The following SPSB1 variants were observed in gnomAD, a reference collection of about 807,000 sequenced individuals.
SPSB1 encodes SPRY domain-containing SOCS box protein 1.
In SPSB1, 8 loss-of-function variants were observed where a neutral mutation model predicts 21.2. The observed-to-expected ratio is 0.38, with a 90% CI of 0.22 to 0.68. The LOEUF (loss-of-function observed/expected upper bound fraction) is 0.68, where lower values mean the gene tolerates loss of function less well. SPSB1 is among the 30% of genes least tolerant of loss of function. The pLI is 0.53. For missense variants in SPSB1, 242 were observed against 377.8 expected (o/e 0.64, Z 2.98); for synonymous variants, 169 against 161.7 (o/e 1.05, Z -0.34).
chr1:9,314,273 G>C (rs1326413447), intron 1 of SPSB1, among the ~76,000 whole-genome samples: 1 of 151,932 alleles, frequency 6.6e-6, no homozygotes, highest in African/African-American at 2.4e-5. Flanking sequence ...TGCTGGGCCG[G>C]GAGTAGATCT....
chr1:9,332,209 A>T (rs1268169356), intron 1 of SPSB1, among the ~76,000 whole-genome samples: 1 of 152,006 alleles, frequency 6.6e-6, no homozygotes, highest in Non-Finnish European at 1.5e-5. Context: ...AAAAATCTCA[A>T]TGAGAGCGTT....
At chr1:9,329,387 A>G (rs960812036) in intron 1 of SPSB1, among the ~76,000 whole-genome samples, 3 of 152,054 alleles carry the variant, frequency 2.0e-5, no homozygotes, top group Non-Finnish European at 4.4e-5. Context: ...TGGAGAGGTC[A>G]GGGGAGGTGA....
chr1:9,352,342 G>A (rs888562952), intron 1 of SPSB1, among the ~76,000 whole-genome samples: 1 of 152,128 alleles, frequency 6.6e-6, no homozygotes, highest in Non-Finnish European at 1.5e-5. Context: ...TCCGGATAAT[G>A]CCTGCTACAG....
At chr1:9,295,237 TGTGTGC>T (rs762520370) in intron 1 of SPSB1, among the ~76,000 whole-genome samples, 232 of 144,298 alleles carry the variant, frequency 1.6e-3, no homozygotes, top group Admixed American at 2.9e-3. Flanking sequence ...TGTGTGTGTG[TGTGTGC>T]GCGCGTGCGG....
At chr1:9,360,861 G>A (rs1017797636) in intron 2 of SPSB1, among the ~76,000 whole-genome samples, 5 of 152,248 alleles carry the variant, frequency 3.3e-5, no homozygotes, top group Admixed American at 3.3e-4. Context: ...CGCTTCAGAT[G>A]TGGAGGCAGC....
At chr1:9,351,160 C>T (rs1482725595) in intron 1 of SPSB1, among the ~76,000 whole-genome samples, 1 of 152,260 alleles carries the variant, frequency 6.6e-6, no homozygotes, top group African/African-American at 2.4e-5. Context: ...GAAACACATT[C>T]ATGCCCATTG....
At chr1:9,322,887 C>G (rs1639744103) in intron 1 of SPSB1, among the ~76,000 whole-genome samples, 1 of 151,626 alleles carries the variant, frequency 6.6e-6, no homozygotes, top group Non-Finnish European at 1.5e-5. Context: ...CGCCCGGACG[C>G]TCTTCTCAGC....
chr1:9,347,930 A>C (rs560002475), intron 1 of SPSB1, among the ~76,000 whole-genome samples: 1 of 144,304 alleles, frequency 6.9e-6, no homozygotes, highest in East Asian at 2.0e-4. Context: ...CCTTCTTTGC[A>C]GTTTCCCTGC....
At chr1:9,351,917 C>A (rs376879513) in intron 1 of SPSB1, among the ~76,000 whole-genome samples, 12 of 152,180 alleles carry the variant, frequency 7.9e-5, no homozygotes, top group Middle Eastern at 3.2e-3. Context: ...CTGGGGTGCC[C>A]TTGTGAAGGA....
chr1:9,298,831 G>C (rs57959755), intron 1 of SPSB1, among the ~76,000 whole-genome samples: 13 of 152,108 alleles, frequency 8.5e-5, no homozygotes, highest in African/African-American at 3.1e-4. Flanking sequence ...CTTAGCACCT[G>C]GCAGAATCCA....
chr1:9,326,771 T>G (rs984877288), intron 1 of SPSB1, among the ~76,000 whole-genome samples: 4 of 152,230 alleles, frequency 2.6e-5, no homozygotes, highest in Admixed American at 2.6e-4. Context: ...CCGCTGCTTC[T>G]GAGGGGCCTT....
intron 1 of SPSB1, among the ~76,000 whole-genome samples, chr1:9,323,351 T>C (rs1639756789): frequency 6.6e-6 from 1 of 152,210 alleles, no homozygotes; most frequent in Admixed American, 6.5e-5. Context: ...GGATGTGCCC[T>C]CCATGGAGTC....
Position 9,361,156 on chromosome 1 carries a change from C to CCTTTTT in SPSB1, c.694+4571_694+4572insCTTTTT, listed in dbSNP as rs1553128958. ...CAGGCATGGCTGGATCTGTCATTTT[C>CCTTTTT]TTTTTTTTTTTTTTTTTTTTTTTTT... On this transcript the variant is annotated intron_variant, in intron 2 of 2. Transcript: ENST00000328089. Among the ~76,000 whole-genome samples, 36 of 102,572 alleles carry CCTTTTT rather than the reference C, an allele frequency of 3.5e-4. 6 individuals are homozygous for CCTTTTT. The highest frequency in any genetic ancestry group is 8.2e-4 in the Admixed American group (8 of 9,804). 67.3% of individuals were successfully genotyped at this position (102,572 alleles called of 152,430 possible).
chr1:9,294,286 CTG>C (rs1178065177), intron 1 of SPSB1, among the ~76,000 whole-genome samples: 2 of 150,776 alleles, frequency 1.3e-5, no homozygotes, highest in African/African-American at 2.4e-5. Context: ...GTCTCTGTGT[CTG>C]TGTCTCTGAG....
chr1:9,301,457 T>C (rs1287921497), intron 1 of SPSB1, among the ~76,000 whole-genome samples: 1 of 152,104 alleles, frequency 6.6e-6, no homozygotes, highest in Admixed American at 6.5e-5. Flanking sequence ...CTGTGATTGC[T>C]CCAGCCTGGG....
chr1:9,298,407 CG>C (rs1557443144), intron 1 of SPSB1, among the ~76,000 whole-genome samples: 4 of 101,124 alleles, frequency 4.0e-5, no homozygotes, highest in African/African-American at 1.4e-4. Flanking sequence ...AATGAGTGAA[CG>C]AATGAATGAA....
In SPSB1 at chr1:9,295,582, A is replaced by G. The variant is rs77174154; in HGVS notation, c.-150+2511A>G. Among the ~76,000 whole-genome samples the G allele has an allele frequency of 7.9e-5, 12 of 152,214 alleles. 2 individuals are homozygous for G. In the East Asian group the frequency reaches 2.1e-3, roughly 27 times the overall value. On this transcript the variant is annotated intron_variant, in intron 1 of 2. Transcript: ENST00000328089. ...GTGGGTCCCTCTGGGCTGCTGCAGA[A>G]TCTCACCCCCTTGGAATCATCACAG...
chr1:9,325,837 G>A (rs1403847663), intron 1 of SPSB1, among the ~76,000 whole-genome samples: 1 of 152,170 alleles, frequency 6.6e-6, no homozygotes, highest in African/African-American at 2.4e-5. Context: ...GAGGGAAGTC[G>A]GGGAACAGCC....
chr1:9,323,064 C>T (rs952455186), intron 1 of SPSB1, among the ~76,000 whole-genome samples: 19 of 152,214 alleles, frequency 1.2e-4, no homozygotes, highest in Admixed American at 2.6e-4. Flanking sequence ...TGGTGGTGGA[C>T]GGGCCAGGCG....
Sources: gnomAD v4.1 joint callset for allele counts (sites outside exome capture counted in the v4.1 genomes callset) on GRCh38, gnomAD v4.1.1 for gene constraint, MANE v1.5 for transcripts, NCBI Gene and HGNC (gene_info 2026-07-23, HGNC 2026-07-21) for gene names.